FAM114A2: variants seen among roughly 807,000 people sequenced by gnomAD.
The protein encoded by FAM114A2 is protein FAM114A2.
In FAM114A2, 53 loss-of-function variants were observed where a neutral mutation model predicts 58.4. That is an observed-to-expected ratio of 0.91 (90% CI 0.73 to 1.14). FAM114A2 has a LOEUF of 1.14. Among genes scored for constraint, FAM114A2 ranks in the 50% most tolerant of loss-of-function variants. FAM114A2 has a pLI of 0.00. For missense variants in FAM114A2, 601 were observed against 581.1 expected (o/e 1.03, Z -0.35); for synonymous variants, 228 against 211.4 (o/e 1.08, Z -0.68).
intron 11 of FAM114A2, among the ~76,000 whole-genome samples, chr5:154,001,377 C>T (rs1342606090): frequency 2.6e-5 from 4 of 152,034 alleles, no homozygotes; most frequent in Admixed American, 2.0e-4. Flanking sequence ...GGGAGTGAAC[C>T]CCATTTCAAA....
At position 153,997,824 on chromosome 5, in the gene FAM114A2, A is replaced by G. The variant is rs2113191726; in HGVS notation, c.1308T>C (p.Thr436=). ...TTACCCCAGCAGTTGTTAGGCAGGTAGTGAACTCTTTAGACAGAGAGGACA... is the reference window on the plus strand; with the variant it reads ...TTACCCCAGCAGTTGTTAGGCAGGTGGTGAACTCTTTAGACAGAGAGGACA... ...KELSSLSKEF[T]TCLTTAGVKE... The change falls in exon 12 of 14, where the codon ACT becomes ACC. Residue 436 remains threonine, a synonymous_variant. Coordinates refer to ENST00000351797, the MANE Select transcript of FAM114A2 (RefSeq NM_018691.4). 1 of 1,595,304 alleles carries G rather than the reference A, an allele frequency of 6.3e-7. No homozygotes were observed. Among genetic ancestry groups the G allele is most frequent in the East Asian group, 2.2e-5 (1 of 44,780 alleles).
At chr5:154,018,039 C>A (rs1771157238) in intron 8 of FAM114A2, among the ~76,000 whole-genome samples, 2 of 152,036 alleles carry the variant, frequency 1.3e-5, no homozygotes. Flanking sequence ...AACCCAAACC[C>A]AGCAGAAGAA....
At chr5:154,002,205 A>T in intron 11 of FAM114A2, 46 bp downstream of exon 11, 1 of 1,586,344 alleles carries the variant, frequency 6.3e-7, no homozygotes, top group Non-Finnish European at 8.6e-7. Flanking sequence ...AGGCCAAGAA[A>T]ACTCCTGCAA....
chr5:154,028,949 C>A (rs1225837749), intron 5 of FAM114A2, among the ~76,000 whole-genome samples: 1 of 151,994 alleles, frequency 6.6e-6, no homozygotes, highest in African/African-American at 2.4e-5. Context: ...GTGTTTCACA[C>A]TGAAAATTCA....
chr5:154,021,316 G>T (rs1338920201), intron 8 of FAM114A2, among the ~76,000 whole-genome samples: 2 of 152,172 alleles, frequency 1.3e-5, no homozygotes, highest in Non-Finnish European at 2.9e-5. Context: ...GCAAGAGAAA[G>T]AAATAAAGGG....
At chr5:154,030,605 G>A (rs1475063036) in intron 4 of FAM114A2, among the ~76,000 whole-genome samples, 1 of 152,240 alleles carries the variant, frequency 6.6e-6, no homozygotes, top group African/African-American at 2.4e-5. Flanking sequence ...GTAGGGCATG[G>A]CAATCAGTTT....
At chr5:154,034,155 C>T (rs1772377803) in intron 3 of FAM114A2, 123 bp downstream of exon 3, 2 of 666,524 alleles carry the variant, frequency 3.0e-6, no homozygotes, top group East Asian at 5.4e-5. Flanking sequence ...CTAATGCATC[C>T]TCAAATTATA....
Position 153,992,993 on chromosome 5 carries a change from G to A in FAM114A2, c.1501C>T (p.Pro501Ser). 1.2e-6 allele frequency: 2 copies of A among 1,611,656 alleles called. No individual in the cohort carries two copies. The highest frequency in any genetic ancestry group is 1.7e-6 in the Non-Finnish European group (2 of 1,178,502). Residue 501 changes from proline to serine, a missense_variant, in exon 14 of 14, where the codon CCT becomes TCT. Coordinates refer to ENST00000351797, the MANE Select transcript of FAM114A2 (RefSeq NM_018691.4). ...TCCATTCTTCAATGTTCTAACAAAG[G>A]TTTCTGGCCCTGCAGCTCATGTCTG... ...SHRHELQGQK[P>S]LLEH
chr5:154,032,247 C>G (rs1280620137), intron 4 of FAM114A2, among the ~76,000 whole-genome samples: 1 of 152,198 alleles, frequency 6.6e-6, no homozygotes, highest in African/African-American at 2.4e-5. Flanking sequence ...TAGATTGTTT[C>G]TGTGGTTTGT....
At chr5:153,995,628 TA>T (rs1581756424) in intron 12 of FAM114A2, among the ~76,000 whole-genome samples, 1 of 152,106 alleles carries the variant, frequency 6.6e-6, no homozygotes, top group Non-Finnish European at 1.5e-5. Context: ...AATAAATAAA[TA>T]AAATTTAAGA....
chr5:154,018,541 T>C (rs1345014229), intron 8 of FAM114A2, among the ~76,000 whole-genome samples: 2 of 151,938 alleles, frequency 1.3e-5, no homozygotes, highest in African/African-American at 4.8e-5. Context: ...GAGGGAACCC[T>C]CACTAAATCA....
Position 154,002,347 on chromosome 5 carries a change from G to T in FAM114A2, c.1160C>A (p.Ala387Asp), listed in dbSNP as rs1770031025. ...FAIRSLAELTACSIELFHKTA... is the reference protein window; with the variant it reads ...FAIRSLAELTDCSIELFHKTA... Reference sequence around the variant, plus strand: ...TTTGTGGAATAGTTCAATTGAGCAGGCAGTCAGTTCAGCCAGGCTCCGGAT... The same window carrying T: ...TTTGTGGAATAGTTCAATTGAGCAGTCAGTCAGTTCAGCCAGGCTCCGGAT... Residue 387 changes from alanine to aspartate, a missense_variant, in exon 11 of 14, where the codon GCC (alanine) becomes GAC (aspartate). Transcript: ENST00000351797. The T allele has an allele frequency of 9.9e-6, 16 of 1,613,966 alleles. No homozygotes were observed. Among genetic ancestry groups the T allele is most frequent in the Non-Finnish European group, 1.4e-5 (16 of 1,179,840 alleles).
intron 8 of FAM114A2, among the ~76,000 whole-genome samples, chr5:154,016,308 T>C (rs1346457193): frequency 1.3e-5 from 2 of 152,160 alleles, no homozygotes; most frequent in African/African-American, 2.4e-5. Context: ...CCTAGGCACA[T>C]TGTAATCTGG....
At chr5:154,028,898 G>A (rs1386198867) in intron 5 of FAM114A2, among the ~76,000 whole-genome samples, 1 of 152,100 alleles carries the variant, frequency 6.6e-6, no homozygotes, top group East Asian at 1.9e-4. Context: ...ACACAAGATG[G>A]TGGGGAGATC....
At chr5:154,019,486 C>G (rs1438643755) in intron 8 of FAM114A2, among the ~76,000 whole-genome samples, 1 of 151,992 alleles carries the variant, frequency 6.6e-6, no homozygotes, top group Non-Finnish European at 1.5e-5. Flanking sequence ...CAACACTATC[C>G]CCATCAAAAT....
Position 154,034,888 on chromosome 5 carries a change from T to A in FAM114A2, c.66A>T (p.Gly22=), listed in dbSNP as rs1772445743. 1 of 1,613,920 alleles carries A rather than the reference T, an allele frequency of 6.2e-7. No individual in the cohort carries two copies. Among genetic ancestry groups the A allele is most frequent in the African/African-American group, 1.3e-5 (1 of 74,920 alleles). Residue 22 remains glycine (G), a synonymous_variant, in exon 2 of 14, where the codon GGA becomes GGT. Transcript: ENST00000351797. ...CAGAATTCTTGGCTGGCTCACAGTT[T>A]CCATCTTCAAGGATGGGGGCTGCTT... The part of the protein sequence containing the change: ...LTEAAPILED[G]NCEPAKNSES...
At chr5:154,023,581 C>A (rs1771578320) in intron 8 of FAM114A2, among the ~76,000 whole-genome samples, 1 of 152,032 alleles carries the variant, frequency 6.6e-6, no homozygotes, top group Admixed American at 6.6e-5. Context: ...TATGAGGATG[C>A]AAAGGCTTAA....
chr5:154,009,858 T>A (rs1770577009), intron 9 of FAM114A2, among the ~76,000 whole-genome samples: 1 of 152,190 alleles, frequency 6.6e-6, no homozygotes, highest in African/African-American at 2.4e-5. Flanking sequence ...AAACTAAAAG[T>A]ACATGGCAAC....
At chr5:153,996,784 G>T (rs1769587574) in intron 12 of FAM114A2, among the ~76,000 whole-genome samples, 1 of 151,846 alleles carries the variant, frequency 6.6e-6, no homozygotes. Context: ...ATCACCTAAG[G>T]TCGGGAGTTC....
Sources: allele counts gnomAD v4.1 joint callset (sites outside exome capture counted in the v4.1 genomes callset), GRCh38; gene constraint gnomAD v4.1.1; transcripts MANE v1.5; gene names NCBI Gene and HGNC (gene_info 2026-07-23, HGNC 2026-07-21).